Variants in ANKRD46 observed in about 807,000 individuals in gnomAD.
ANKRD46 encodes the protein ankyrin repeat domain-containing protein 46.
A neutral mutation model predicts 19.8 loss-of-function variants in ANKRD46; 13 were observed. The ratio of observed to expected loss-of-function variants is 0.66; its 90% confidence interval spans 0.43 to 1.04. The LOEUF (loss-of-function observed/expected upper bound fraction) is 1.04, where lower values mean the gene tolerates loss of function less well. Ranked by LOEUF, ANKRD46 falls within the 50% of genes least tolerant of loss-of-function variation. The pLI is 0.00. For missense variants in ANKRD46, 185 were observed against 274.8 expected (o/e 0.67, Z 2.31); for synonymous variants, 91 against 106.9 (o/e 0.85, Z 0.92).
chr8:100,551,630 A>G, intron 1 of ANKRD46: 1 of 714,844 alleles, frequency 1.4e-6, no homozygotes, highest in Non-Finnish European at 2.5e-6. Context: ...GACAATATCC[A>G]CTTTACTAGA....
rs1266613839 is a variant in ANKRD46, at chr8:100,557,388, G to A, written c.-131+2323C>T. Among the ~76,000 whole-genome samples, 3 of 152,118 alleles carry A rather than the reference G, an allele frequency of 2.0e-5. No individual in the cohort carries two copies. The highest frequency in any genetic ancestry group is 7.2e-5 in the African/African-American group (3 of 41,424). Reference sequence around the variant, plus strand: ...CTATCAGCAATACTCAGAATACGACGGCTTCTTACTGCCTCTCTTACTACC... The same window carrying A: ...CTATCAGCAATACTCAGAATACGACAGCTTCTTACTGCCTCTCTTACTACC... On this transcript the variant is annotated intron_variant, in intron 1 of 4. Transcript: ENST00000335659. The surrounding 1 kb of genome is among the most constrained non-coding windows in gnomAD (Gnocchi z 5.9).
intron 1 of ANKRD46, among the ~76,000 whole-genome samples, chr8:100,538,587 TG>T (rs1012279254): frequency 5.3e-5 from 8 of 152,166 alleles, no homozygotes; most frequent in African/African-American, 1.9e-4. Flanking sequence ...AACAGGGGTT[TG>T]AAGAGGATAC....
Position 100,522,436 on chromosome 8 carries a change from T to C in ANKRD46, c.*119A>G, listed in dbSNP as rs1458407542. Reference sequence around the variant, plus strand: ...CTAAAAGGATTACAATAATTAAAAATGCAAAAAGAACATGTACTGCCCTCA... The same window carrying C: ...CTAAAAGGATTACAATAATTAAAAACGCAAAAAGAACATGTACTGCCCTCA... On this transcript the variant is annotated 3_prime_UTR_variant, in exon 5 of 5. Transcript: ENST00000335659. The C allele has an allele frequency of 6.2e-6, 9 of 1,458,972 alleles. No individual in the cohort carries two copies. The African/African-American group carries it at 1.1e-4, about 19-fold the overall frequency. The allele number at this position is 1,458,972 out of a possible 1,614,324, so 90.4% of individuals were successfully genotyped here.
intron 1 of ANKRD46, among the ~76,000 whole-genome samples, chr8:100,541,143 C>T (rs1197862269): frequency 2.0e-5 from 3 of 151,088 alleles, no homozygotes; most frequent in Non-Finnish European, 4.4e-5. Flanking sequence ...GTTCAATTTT[C>T]CTTTTAAAAA....
In ANKRD46 at chr8:100,528,004, C is replaced by CAA; in HGVS notation, c.312-2_312-1insTT. 27 of 1,041,656 alleles carry CAA rather than the reference C, an allele frequency of 2.6e-5. No individual in the cohort carries two copies. The highest frequency in any genetic ancestry group is 1.4e-4 in the Admixed American group (3 of 20,914). 64.5% of individuals were successfully genotyped at this position (1,041,656 alleles called of 1,614,324 possible). ...TAAAGGGGTAGCACCTTGATGATTGCTAAAAAAAAAAAAAAAAAAAAAAGT... is the reference window on the plus strand; with the variant it reads ...TAAAGGGGTAGCACCTTGATGATTGCAATAAAAAAAAAAAAAAAAAAAAAAGT... On this transcript the variant is annotated splice_acceptor_variant, in intron 3 of 4. Coordinates refer to ENST00000335659, the MANE Select transcript of ANKRD46 (RefSeq NM_001270377.2). LOFTEE classifies it high-confidence loss of function.
At chr8:100,530,750 A>T (rs73696796) in intron 2 of ANKRD46, among the ~76,000 whole-genome samples, 313 of 152,310 alleles carry the variant, frequency 2.1e-3, no homozygotes, top group African/African-American at 7.2e-3. Context: ...TCAGAGCATG[A>T]AATCAATTCA....
Position 100,510,470 on chromosome 8 carries a change from T to G in ANKRD46, c.*107A>C, listed in dbSNP as rs1384523809. ...TGCAGAGCTTTGAGATGATGCTCCA[T>G]GACACAAGTCGTGACGGAAACAGCC... On this transcript the variant is annotated 3_prime_UTR_variant, in exon 6 of 6. Coordinates refer to the ANKRD46 transcript ENST00000520552. The surrounding 1 kb of genome is among the most constrained non-coding windows in gnomAD (Gnocchi z 4.9). The G allele has an allele frequency of 7.4e-6, 8 of 1,087,624 alleles. No individual in the cohort carries two copies. In the East Asian group the frequency reaches 2.1e-4, roughly 29 times the overall value. The allele number at this position is 1,087,624 out of a possible 1,614,324, so 67.4% of individuals were successfully genotyped here. A position where few individuals can be genotyped will look rare whatever the true frequency, so the allele number is the denominator to read the frequency against.
In ANKRD46 at chr8:100,536,896, C is replaced by A. The variant is rs1812074617; in HGVS notation, c.-130-3585G>T. On this transcript the variant is annotated intron_variant, in intron 1 of 4. Coordinates refer to ENST00000335659, the MANE Select transcript of ANKRD46 (RefSeq NM_001270377.2). The surrounding 1 kb of genome is among the most constrained non-coding windows in gnomAD (Gnocchi z 4.9). ...AAACTCCTCACTCTGTGCTCTGTGG[C>A]ACTGCCTGAGAGACTTGAAGATGGA... 6.6e-6 allele frequency among the ~76,000 whole-genome samples: 1 copy of A among 152,200 alleles called. No individual in the cohort carries two copies.
intron 1 of ANKRD46, among the ~76,000 whole-genome samples, chr8:100,552,083 G>A (rs1466216283): frequency 6.6e-6 from 1 of 151,212 alleles, no homozygotes; most frequent in Non-Finnish European, 1.5e-5. Context: ...CTGGGAGGTG[G>A]AGGTTGCAGT....
In ANKRD46 at chr8:100,550,747, C is replaced by G; in HGVS notation, c.-131+8964G>C. ...TCTTACTCCTTGGAGGCCATATGGG[C>G]CACCACCCTGTTGCTGTAGCCAAAT... On this transcript the variant is annotated intron_variant, in intron 1 of 4. Transcript: ENST00000335659. The surrounding 1 kb of genome is among the most constrained non-coding windows in gnomAD (Gnocchi z 4.4). 1 of 434,956 alleles carries G rather than the reference C, an allele frequency of 2.3e-6. No homozygotes were observed. Among genetic ancestry groups the G allele is most frequent in the Non-Finnish European group, 4.5e-6 (1 of 222,962 alleles). 26.9% of individuals were successfully genotyped at this position (434,956 alleles called of 1,614,324 possible).
At chr8:100,542,911 C>T (rs1586796536) in intron 1 of ANKRD46, among the ~76,000 whole-genome samples, 1 of 152,060 alleles carries the variant, frequency 6.6e-6, no homozygotes, top group Non-Finnish European at 1.5e-5. Flanking sequence ...CAGCGAATTA[C>T]AGCAATTCTC....
At chr8:100,526,833 A>T (rs1811851870) in intron 4 of ANKRD46, among the ~76,000 whole-genome samples, 1 of 152,202 alleles carries the variant, frequency 6.6e-6, no homozygotes, top group South Asian at 2.1e-4. Context: ...CAATGATCCC[A>T]ATGGTCTAAG....
intron 1 of ANKRD46, among the ~76,000 whole-genome samples, chr8:100,547,578 T>G (rs774916646): frequency 2.0e-5 from 3 of 152,172 alleles, no homozygotes; most frequent in Admixed American, 1.3e-4. Context: ...GCTGTGATCA[T>G]GCCACAGCAC....
chr8:100,555,182 T>C (rs912069257), intron 1 of ANKRD46, among the ~76,000 whole-genome samples: 5 of 151,978 alleles, frequency 3.3e-5, no homozygotes, highest in Non-Finnish European at 7.4e-5. Flanking sequence ...ATAGGAAATC[T>C]AGAAAAAACC....
In ANKRD46 at chr8:100,555,722, T is replaced by TAAAAAAAAAAAAAAAAA. The variant is rs59521764; in HGVS notation, c.-131+3972_-131+3988dup. ...GCACCAACTTAATATTTTCCTCAGC[T>TAAAAAAAAAAAAAAAAA]AAAAAAAAAAAAAAAAAAAAAAAAA... On this transcript the variant is annotated intron_variant, in intron 1 of 4. Transcript: ENST00000335659. Among the ~76,000 whole-genome samples, 23 of 53,304 alleles carry TAAAAAAAAAAAAAAAAA rather than the reference T, an allele frequency of 4.3e-4. 2 individuals are homozygous for TAAAAAAAAAAAAAAAAA. Among genetic ancestry groups the TAAAAAAAAAAAAAAAAA allele is most frequent in the Non-Finnish European group, 5.9e-4 (18 of 30,376 alleles). 35.0% of individuals were successfully genotyped at this position (53,304 alleles called of 152,430 possible).
intron 3 of ANKRD46, among the ~76,000 whole-genome samples, chr8:100,528,286 G>A (rs1295854457): frequency 6.6e-6 from 1 of 152,100 alleles, no homozygotes; most frequent in African/African-American, 2.4e-5. Context: ...AACCAAACAC[G>A]TCCCCCACCT....
chr8:100,515,363 G>A (rs534508657), intron 5 of ANKRD46, among the ~76,000 whole-genome samples: 1 of 152,264 alleles, frequency 6.6e-6, no homozygotes, highest in South Asian at 2.1e-4. Flanking sequence ...GTGCTTTACA[G>A]AGAAAGTGCA....
rs1811550256 is a variant in ANKRD46, at chr8:100,511,731, T to C, written c.637-1092A>G. Among the ~76,000 whole-genome samples, 1 of 152,134 alleles carries C rather than the reference T, an allele frequency of 6.6e-6. No homozygotes were observed. The highest frequency in any genetic ancestry group is 1.5e-5 in the Non-Finnish European group (1 of 68,024). Reference sequence around the variant, plus strand: ...GTCATTAGGGCTCCATTAAAGACAATGAAGAATTTCGGCTGGGCATGGTGG... The same window carrying C: ...GTCATTAGGGCTCCATTAAAGACAACGAAGAATTTCGGCTGGGCATGGTGG... On this transcript the variant is annotated intron_variant, in intron 5 of 5. Transcript: ENST00000520552. The surrounding 1 kb of genome is among the most constrained non-coding windows in gnomAD (Gnocchi z 4.1).
rs1380522966 is a variant in ANKRD46, at chr8:100,559,691, A to C, written c.-131+20T>G. Reference sequence around the variant, plus strand: ...AGTGGCTCTAGCCCAGGCGCTGCCCACAGGCCCCGGGCCAAGTACCTGCGA... The same window carrying C: ...AGTGGCTCTAGCCCAGGCGCTGCCCCCAGGCCCCGGGCCAAGTACCTGCGA... On this transcript the variant is annotated intron_variant, in intron 1 of 4. Transcript: ENST00000335659. The surrounding 1 kb of genome is among the most constrained non-coding windows in gnomAD (Gnocchi z 6.0). 1.3e-5 allele frequency: 2 copies of C among 152,604 alleles called. No homozygotes were observed. Among genetic ancestry groups the C allele is most frequent in the African/African-American group, 4.8e-5 (2 of 41,456 alleles). 9.5% of individuals were successfully genotyped at this position (152,604 alleles called of 1,614,324 possible).
Sources: allele counts gnomAD v4.1 joint callset (sites outside exome capture counted in the v4.1 genomes callset), GRCh38; gene constraint gnomAD v4.1.1; non-coding constraint Gnocchi (gnomAD v3.1); transcripts MANE v1.5; gene names NCBI Gene and HGNC (gene_info 2026-07-23, HGNC 2026-07-21).